The following TRPC4 variants were observed in gnomAD, a reference collection of about 807,000 sequenced individuals.
TRPC4 encodes short transient receptor potential channel 4.
In TRPC4, 49 loss-of-function variants were observed where a neutral mutation model predicts 99.4. That is an observed-to-expected ratio of 0.49 (90% confidence interval 0.39 to 0.63). TRPC4 has a LOEUF of 0.63. Among genes scored for constraint, TRPC4 ranks in the 20% least tolerant of loss-of-function variants. The probability of loss-of-function intolerance (pLI) is 0.00; values close to 1 mark genes in which losing one functional copy is unlikely to be tolerated. For missense variants in TRPC4, 898 were observed against 1,152.9 expected, an observed-to-expected ratio of 0.78 and a Z score of 3.20; for synonymous variants, 454 against 425.9, an observed-to-expected ratio of 1.07 and a Z score of -0.81.
intron 3 of TRPC4, among the ~76,000 whole-genome samples, chr13:37,697,073 T>A (rs995034780): frequency 2.6e-5 from 4 of 152,134 alleles, no homozygotes; most frequent in African/African-American, 4.8e-5. Flanking sequence ...CATAGTCATA[T>A]CACATGATTA....
At chr13:37,777,860 C>G (rs1018256480) in intron 2 of TRPC4, among the ~76,000 whole-genome samples, 1 of 151,944 alleles carries the variant, frequency 6.6e-6, no homozygotes, top group Non-Finnish European at 1.5e-5. Flanking sequence ...GAGATTCAGA[C>G]ACTTGTCCAA....
At chr13:37,651,553 T>TTTTTG in intron 7 of TRPC4, 94 bp from the exon 8 acceptor site, 1 of 1,102,284 alleles carries the variant, frequency 9.1e-7, no homozygotes, top group Non-Finnish European at 1.3e-6. Context: ...TTCAAGCGGC[T>TTTTTG]CTTGGAACAT....
chr13:37,716,340 G>T (rs760227905), intron 3 of TRPC4, among the ~76,000 whole-genome samples: 1 of 152,104 alleles, frequency 6.6e-6, no homozygotes, highest in Non-Finnish European at 1.5e-5. Context: ...TCTGTTAGAG[G>T]AGAATTTTGA....
intron 3 of TRPC4, among the ~76,000 whole-genome samples, chr13:37,711,924 G>A (rs1190388257): frequency 6.6e-6 from 1 of 151,468 alleles, no homozygotes; most frequent in Non-Finnish European, 1.5e-5. Flanking sequence ...TAGGATATAA[G>A]CAATATAAAC....
intron 6 of TRPC4, among the ~76,000 whole-genome samples, chr13:37,656,482 G>C (rs1380424500): frequency 3.3e-5 from 5 of 152,084 alleles, no homozygotes; most frequent in Non-Finnish European, 7.4e-5. Flanking sequence ...TTTATGGAAA[G>C]GTAGTCCTTG....
At chr13:37,661,433 T>C (rs761773761) in intron 6 of TRPC4, among the ~76,000 whole-genome samples, 2 of 152,134 alleles carry the variant, frequency 1.3e-5, no homozygotes, top group Non-Finnish European at 2.9e-5. Context: ...GTGAGAAGGG[T>C]TGGGTCTGGG....
At position 37,634,947 on chromosome 13, in the gene TRPC4, GT is replaced by G. The variant is rs1718429517; in HGVS notation, c.*1955del. ...CCATTCCTAAATTCCCAAAAACCAG[GT>G]TTAGGAGTGAACAGGGGCTTAGTGC... is the stretch of plus-strand genomic sequence containing the variant. On this transcript the variant is annotated 3_prime_UTR_variant, in exon 11 of 11. Transcript: ENST00000379705. Among the ~76,000 whole-genome samples the G allele has an allele frequency of 6.6e-6, 1 of 151,962 alleles. No individual in the cohort carries two copies. Among genetic ancestry groups the G allele is most frequent in the Non-Finnish European group, 1.5e-5 (1 of 67,964 alleles).
intron 2 of TRPC4, among the ~76,000 whole-genome samples, chr13:37,776,556 G>C (rs1457459868): frequency 6.6e-6 from 1 of 151,808 alleles, no homozygotes; most frequent in Non-Finnish European, 1.5e-5. Flanking sequence ...TCCAGGATTT[G>C]ACCTCAAACA....
chr13:37,867,215 T>C (rs1229631597), intron 1 of TRPC4, among the ~76,000 whole-genome samples: 1 of 152,030 alleles, frequency 6.6e-6, no homozygotes, highest in African/African-American at 2.4e-5. Flanking sequence ...CATATATCTA[T>C]CTTTACTTAT....
intron 2 of TRPC4, among the ~76,000 whole-genome samples, chr13:37,772,005 C>G (rs1566159385): frequency 6.6e-6 from 1 of 151,538 alleles, no homozygotes; most frequent in Non-Finnish European, 1.5e-5. Flanking sequence ...CAGCTGTGTT[C>G]CCAAGGAGGA....
At chr13:37,775,448 G>A (rs569556377) in intron 2 of TRPC4, among the ~76,000 whole-genome samples, 1 of 148,466 alleles carries the variant, frequency 6.7e-6, no homozygotes, top group Non-Finnish European at 1.5e-5. Context: ...GGGTACATGT[G>A]CAGGTTTGTT....
intron 1 of TRPC4, among the ~76,000 whole-genome samples, chr13:37,795,989 T>C (rs1593762457): frequency 1.3e-5 from 2 of 152,242 alleles, no homozygotes; most frequent in East Asian, 1.9e-4. Context: ...AAAATGCTGA[T>C]GGTTTCAGTG....
chr13:37,638,351 G>C (rs752786994), intron 10 of TRPC4, among the ~76,000 whole-genome samples: 3 of 152,162 alleles, frequency 2.0e-5, no homozygotes, highest in Non-Finnish European at 4.4e-5. Context: ...TGCACTTTAA[G>C]TTTTGTAATT....
chr13:37,674,351 T>A lies in TRPC4; in HGVS notation c.1251A>T (p.Glu417Asp). The A allele has an allele frequency of 6.2e-7, 1 of 1,602,414 alleles. No individual in the cohort carries two copies. The highest frequency in any genetic ancestry group is 8.5e-7 in the Non-Finnish European group (1 of 1,176,492). The change falls in exon 5 of 11, where the codon GAA (glutamate) becomes GAT (aspartate). Residue 417 changes from glutamate (E) to aspartate (D), a missense_variant. This residue lies in a region of TRPC4 where 274 missense variants were observed against 454.9 expected (regional missense o/e 0.60). Coordinates refer to ENST00000379705, the MANE Select transcript of TRPC4 (RefSeq NM_016179.4). ...GTCCGCCATCCCACATCTGTTTAAT[T>A]TCTCCCCATATGAAGCCTGCAATTA... ...LPWVLGFIWG[E>D]IKQMWDGGLQ...
At chr13:37,814,414 A>G (rs1442551111) in intron 1 of TRPC4, among the ~76,000 whole-genome samples, 4 of 151,852 alleles carry the variant, frequency 2.6e-5, no homozygotes, top group Non-Finnish European at 4.4e-5. Context: ...ATCTTCAAAA[A>G]TAAGTAATCC....
intron 7 of TRPC4, 90 bp from the exon 8 acceptor site, chr13:37,651,549 C>A: frequency 6.7e-6 from 8 of 1,189,788 alleles, no homozygotes; most frequent in South Asian, 5.3e-5. Flanking sequence ...TGACTTCAAG[C>A]GGCTCTTGGA....
chr13:37,762,317 C>T (rs1566151751), intron 2 of TRPC4, among the ~76,000 whole-genome samples: 1 of 151,822 alleles, frequency 6.6e-6, no homozygotes, highest in Non-Finnish European at 1.5e-5. Flanking sequence ...GGCGATTCCT[C>T]AGGGATCTAG....
chr13:37,825,830 T>C (rs1382151130), intron 1 of TRPC4, among the ~76,000 whole-genome samples: 1 of 151,902 alleles, frequency 6.6e-6, no homozygotes, highest in Non-Finnish European at 1.5e-5. Context: ...GGTATCCTTG[T>C]TGACTTTCTG....
intron 3 of TRPC4, among the ~76,000 whole-genome samples, chr13:37,745,543 TA>T (rs540381881): frequency 7.5e-5 from 8 of 106,498 alleles, no homozygotes; most frequent in Non-Finnish European, 1.6e-4. Flanking sequence ...TATACGTATA[TA>T]TATATATATA....
Sources: gnomAD v4.1 joint callset for allele counts (sites outside exome capture counted in the v4.1 genomes callset) on GRCh38, gnomAD v4.1.1 for gene constraint, gnomAD v4.1.1 regional missense constraint, MANE v1.5 for transcripts, NCBI Gene and HGNC (gene_info 2026-07-23, HGNC 2026-07-21) for gene names.